The following STIL variants were observed in gnomAD, a reference collection of about 807,000 sequenced individuals.
STIL encodes SCL-interrupting locus protein.
Under a neutral mutation model 110.1 loss-of-function variants are expected in STIL, and 55 were observed. The ratio of observed to expected loss-of-function variants is 0.50; its 90% CI spans 0.40 to 0.63. STIL has a LOEUF of 0.63. STIL is among the 20% of genes least tolerant of loss of function. The probability of loss-of-function intolerance (pLI) is 0.00; values close to 1 mark genes in which losing one functional copy is unlikely to be tolerated. For missense variants in STIL, 1,358 were observed against 1,530.0 expected (o/e 0.89, Z 1.87); for synonymous variants, 481 against 530.0 (o/e 0.91, Z 1.27).
At chr1:47,275,908 T>C (rs1276246713) in intron 12 of STIL, among the ~76,000 whole-genome samples, 6 of 152,164 alleles carry the variant, frequency 3.9e-5, no homozygotes, top group African/African-American at 1.2e-4. Context: ...ATTACAGGCA[T>C]GAGCCAGTGG....
chr1:47,294,505 C>T (rs987421502), intron 7 of STIL, among the ~76,000 whole-genome samples: 3 of 152,090 alleles, frequency 2.0e-5, no homozygotes, highest in African/African-American at 4.8e-5. Context: ...GGCAACATGG[C>T]GAAAGCCCGC....
At chr1:47,311,562 C>T (rs1388635339) in intron 1 of STIL, among the ~76,000 whole-genome samples, 1 of 152,174 alleles carries the variant, frequency 6.6e-6, no homozygotes, top group Non-Finnish European at 1.5e-5. Flanking sequence ...GCTGGGATTA[C>T]AGGCATGAGC....
At chr1:47,275,500 C>A (rs953851287) in intron 12 of STIL, among the ~76,000 whole-genome samples, 3 of 151,826 alleles carry the variant, frequency 2.0e-5, no homozygotes, top group African/African-American at 7.3e-5. Context: ...CCCAGCTACT[C>A]AGGAGGCTGA....
chr1:47,308,330 C>T (rs1004251823), intron 2 of STIL, among the ~76,000 whole-genome samples: 6 of 150,568 alleles, frequency 4.0e-5, no homozygotes, highest in Admixed American at 2.7e-4. Context: ...AGGCAGCGGA[C>T]GCTTAGGAAA....
At chr1:47,269,910 T>A (rs368024035) in intron 13 of STIL, 44 bp from the exon 14 acceptor site, 186 of 1,537,792 alleles carry the variant, frequency 1.2e-4, no homozygotes, top group Non-Finnish European at 1.2e-4. Context: ...ACATTCAACT[T>A]TAAAAATAAT....
chr1:47,258,087 G>C (rs1424380355), intron 16 of STIL, among the ~76,000 whole-genome samples: 1 of 152,170 alleles, frequency 6.6e-6, no homozygotes, highest in Admixed American at 6.6e-5. Context: ...AGCAATATTT[G>C]CAAAAGATCA....
chr1:47,283,096 C>T (rs1645196152), intron 10 of STIL: 1 of 152,222 alleles, frequency 6.6e-6, no homozygotes, highest in Non-Finnish European at 1.5e-5. Flanking sequence ...CTACACTAGA[C>T]AAAGTCTCAA....
Position 47,280,626 on chromosome 1 carries a change from T to C in STIL, c.1832A>G (p.His611Arg). The C allele has an allele frequency of 6.2e-7, 1 of 1,614,220 alleles. No homozygotes were observed. The highest frequency in any genetic ancestry group is 8.5e-7 in the Non-Finnish European group (1 of 1,180,050). Residue 611 changes from histidine (H) to arginine (R), a missense_variant, in exon 12 of 17, where the codon CAT (histidine) becomes CGT (arginine). Physicochemically the swap from His to Arg is conservative, Grantham distance 29. Transcript: ENST00000371877. ...AGAATTTAGCGGACTATATTGAATATGACTATGATGCTGACAACACCTGCA... is the reference window on the plus strand; with the variant it reads ...AGAATTTAGCGGACTATATTGAATACGACTATGATGCTGACAACACCTGCA... The part of the protein sequence containing the change: ...NVCRCCQHHS[H>R]IQYSPLNSWQ...
Position 47,269,867 on chromosome 1 carries a change from C to T in STIL, c.2384-1G>A. 2 of 1,612,080 alleles carry T rather than the reference C, an allele frequency of 1.2e-6. No individual in the cohort carries two copies. Among genetic ancestry groups the T allele is most frequent in the Non-Finnish European group, 1.7e-6 (2 of 1,178,200 alleles). On this transcript the variant is annotated splice_acceptor_variant, in intron 13 of 16. Transcript: ENST00000371877. LOFTEE classifies it high-confidence loss of function. Reference sequence around the variant, plus strand: ...GCTGCATTCCAAAACAAGCTAGCACCTGGAGGTTAAATAATTTAAGATACT... The same window carrying T: ...GCTGCATTCCAAAACAAGCTAGCACTTGGAGGTTAAATAATTTAAGATACT...
At chr1:47,263,449 C>T (rs774948278) in intron 14 of STIL, among the ~76,000 whole-genome samples, 1 of 152,140 alleles carries the variant, frequency 6.6e-6, no homozygotes, top group Non-Finnish European at 1.5e-5. Flanking sequence ...GGAGGCTGAG[C>T]AAGAGGATCA....
chr1:47,288,278 C>T (rs75829391), intron 9 of STIL, among the ~76,000 whole-genome samples: 5 of 151,518 alleles, frequency 3.3e-5, no homozygotes, highest in Admixed American at 6.6e-5. Flanking sequence ...TATAATGACA[C>T]CTAGTTTCAA....
chr1:47,301,765 A>C lies in STIL; in HGVS notation c.266-17T>G. 1 of 1,611,774 alleles carries C rather than the reference A, an allele frequency of 6.2e-7. No homozygotes were observed. Among genetic ancestry groups the C allele is most frequent in the Non-Finnish European group, 8.5e-7 (1 of 1,178,538 alleles). ...CTTCTTCATCTGTAGAACAAAAATA[A>C]CAGCTATTATACAGCATACTAATTA... is the stretch of plus-strand genomic sequence containing the variant. On this transcript the variant is annotated splice_polypyrimidine_tract_variant and intron_variant, in intron 4 of 16. Coordinates refer to ENST00000371877, the MANE Select transcript of STIL (RefSeq NM_001048166.1).
At chr1:47,271,980 C>G in intron 13 of STIL, 96 bp downstream of exon 13, 2 of 1,372,434 alleles carry the variant, frequency 1.5e-6, no homozygotes, top group Non-Finnish European at 2.0e-6. Flanking sequence ...TTTGGTCCTA[C>G]TGCACCATGC....
intron 9 of STIL, 92 bp downstream of exon 9, chr1:47,289,343 A>C: frequency 1.1e-6 from 1 of 895,554 alleles, no homozygotes; most frequent in Non-Finnish European, 1.7e-6. Context: ...AGTTTGGATT[A>C]CTATTTTAAA....
At chr1:47,304,201 T>C (rs1645888061) in intron 3 of STIL, among the ~76,000 whole-genome samples, 1 of 151,972 alleles carries the variant, frequency 6.6e-6, no homozygotes, top group African/African-American at 2.4e-5. Context: ...TAATTTTTTA[T>C]TGAGACAAGG....
intron 10 of STIL, among the ~76,000 whole-genome samples, chr1:47,286,235 T>C (rs187405984): frequency 4.1e-4 from 62 of 152,034 alleles, no homozygotes; most frequent in Non-Finnish European, 7.8e-4. Flanking sequence ...TTCTGAACTA[T>C]AGTCTGCTCC....
At chr1:47,312,325 C>T (rs1470381041) in intron 1 of STIL, among the ~76,000 whole-genome samples, 2 of 151,972 alleles carry the variant, frequency 1.3e-5, no homozygotes, top group African/African-American at 4.8e-5. Flanking sequence ...CCCGTCTCTA[C>T]TAAAAATACA....
chr1:47,292,633 G>A (rs546455939), intron 8 of STIL, among the ~76,000 whole-genome samples: 72 of 152,248 alleles, frequency 4.7e-4, no homozygotes, highest in African/African-American at 1.7e-3. Context: ...AAGAAAGGAT[G>A]CTATGGTTTA....
At position 47,250,360 on chromosome 1, in the gene STIL, C is replaced by T. The variant is rs1281348934; in HGVS notation, c.*776G>A. 2 of 143,128 alleles carry T rather than the reference C, an allele frequency of 1.4e-5. No homozygotes were observed. Among genetic ancestry groups the T allele is most frequent in the East Asian group, 1.1e-4 (1 of 9,186 alleles). The allele number at this position is 143,128 out of a possible 1,614,324, so 8.9% of individuals were successfully genotyped here. On this transcript the variant is annotated 3_prime_UTR_variant, in exon 17 of 17. Coordinates refer to ENST00000371877, the MANE Select transcript of STIL (RefSeq NM_001048166.1). ...TGCATCCTAATTAAGGGGAAATACA[C>T]TCTTGTATAAAAGAGTGTAAGTTTT...
Sources: gnomAD v4.1 joint callset for allele counts (sites outside exome capture counted in the v4.1 genomes callset) on GRCh38, gnomAD v4.1.1 for gene constraint, MANE v1.5 for transcripts, NCBI Gene and HGNC (gene_info 2026-07-23, HGNC 2026-07-21) for gene names.